Variants in NAALAD2 observed in about 807,000 individuals in gnomAD.
NAALAD2 encodes N-acetylated-alpha-linked acidic dipeptidase 2.
A neutral mutation model predicts 95.6 loss-of-function variants in NAALAD2; 89 were observed. The observed-to-expected ratio is 0.93, with a 90% CI of 0.78 to 1.11. The LOEUF (loss-of-function observed/expected upper bound fraction) is 1.11, where lower values mean the gene tolerates loss of function less well. NAALAD2 is among the 50% of genes least tolerant of loss of function. The pLI, the probability that NAALAD2 is intolerant of heterozygous loss-of-function variation, is 0.00. For missense variants in NAALAD2, 894 were observed against 872.4 expected (o/e 1.02, Z -0.31); for synonymous variants, 264 against 294.4 (o/e 0.90, Z 1.06).
In NAALAD2 at chr11:90,135,647, T is replaced by C; in HGVS notation, c.171T>C (p.Ala57=). ...GGAAACTGGTATCCGAAATGAAAGC[T>C]GAAAACATCAAATCATTTCTTCGGT... The part of the protein sequence containing the change: ...IRWKLVSEMK[A]ENIKSFLRSF... Residue 57 remains alanine, a synonymous_variant, in exon 2 of 19, where the codon GCT becomes GCC. Transcript: ENST00000534061. 1.2e-6 allele frequency: 2 copies of C among 1,612,896 alleles called. No homozygotes were observed. The highest frequency in any genetic ancestry group is 1.7e-6 in the Non-Finnish European group (2 of 1,179,300).
chr11:90,162,904 A>T, intron 8 of NAALAD2, 45 bp from the exon 9 acceptor site: 1 of 1,085,426 alleles, frequency 9.2e-7, no homozygotes, highest in Non-Finnish European at 1.4e-6. Context: ...ACTGTAAAAA[A>T]CATAATTTGC....
At position 90,147,320 on chromosome 11, in the gene NAALAD2, T is replaced by C. The variant is rs774270255; in HGVS notation, c.195-10T>C. 6.2e-7 allele frequency: 1 copy of C among 1,608,640 alleles called. No individual in the cohort carries two copies. The highest frequency in any genetic ancestry group is 1.1e-5 in the South Asian group (1 of 90,854). On this transcript the variant is annotated splice_polypyrimidine_tract_variant and intron_variant, in intron 2 of 18. Transcript: ENST00000534061. The stretch of plus-strand genomic sequence containing the variant: ...CTTTAATGCCCTCTTATGTTTTATT[T>C]TCATTTTAGTTCTTTTACAAAGCTT...
chr11:90,178,812 T>C (rs1952882089), intron 16 of NAALAD2, among the ~76,000 whole-genome samples: 2 of 152,348 alleles, frequency 1.3e-5, no homozygotes, highest in Admixed American at 1.3e-4. Flanking sequence ...GCATATATCT[T>C]TTAGTGTTTG....
Position 90,155,492 on chromosome 11 carries a change from ATATAT to A in NAALAD2, c.797-2647_797-2643del, listed in dbSNP as rs1158183413. 2.6e-3 allele frequency among the ~76,000 whole-genome samples: 287 copies of A among 112,168 alleles called. 2 individuals are homozygous for A. The highest frequency in any genetic ancestry group is 9.1e-3 in the African/African-American group (249 of 27,458). 73.6% of individuals were successfully genotyped at this position (112,168 alleles called of 152,430 possible). ...CATATACATGTATATATTATATATA[ATATAT>A]TATATATAATTATATATAATTACAT... On this transcript the variant is annotated intron_variant, in intron 6 of 18. Coordinates refer to ENST00000534061, the MANE Select transcript of NAALAD2 (RefSeq NM_005467.4).
chr11:90,186,274 G>A (rs1001408843), intron 18 of NAALAD2, among the ~76,000 whole-genome samples: 117 of 151,510 alleles, frequency 7.7e-4, no homozygotes, highest in African/African-American at 2.3e-3. Context: ...GAGAATATGC[G>A]GTGTTTGGTT....
At position 90,181,648 on chromosome 11, in the gene NAALAD2, C is replaced by A; in HGVS notation, c.1887C>A (p.Phe629Leu). The A allele has an allele frequency of 6.2e-7, 1 of 1,606,910 alleles. No individual in the cohort carries two copies. The highest frequency in any genetic ancestry group is 8.5e-7 in the Non-Finnish European group (1 of 1,176,516). ...FDSLFSAVKN[F>L]SEAASDFHKR... ...CCTTATTTTCTGCTGTGAAAAACTTCTCAGAGGCTGCTTCAGATTTTCATA... is the reference window on the plus strand; with the variant it reads ...CCTTATTTTCTGCTGTGAAAAACTTATCAGAGGCTGCTTCAGATTTTCATA... Residue 629 changes from phenylalanine to leucine, a missense_variant, in exon 17 of 19, where the codon TTC (phenylalanine) becomes TTA (leucine). By Grantham distance (22) the Phe-to-Leu change is conservative. Coordinates refer to ENST00000534061, the MANE Select transcript of NAALAD2 (RefSeq NM_005467.4).
chr11:90,137,057 C>A (rs1201674712), intron 2 of NAALAD2, among the ~76,000 whole-genome samples: 1 of 151,978 alleles, frequency 6.6e-6, no homozygotes, highest in African/African-American at 2.4e-5. Context: ...TCATTTGTAG[C>A]AAAATGAATG....
At chr11:90,171,401 T>C (rs1721669960) in intron 13 of NAALAD2, among the ~76,000 whole-genome samples, 1 of 152,228 alleles carries the variant, frequency 6.6e-6, no homozygotes, top group South Asian at 2.1e-4. Flanking sequence ...CTTGGGTAGC[T>C]GATGTCTTTG....
chr11:90,150,346 C>T (rs777464255), intron 4 of NAALAD2, 136 bp from the exon 5 acceptor site: 89 of 384,708 alleles, frequency 2.3e-4, no homozygotes, highest in Non-Finnish European at 6.5e-5. Flanking sequence ...TGCATAATTA[C>T]TGTGGGTCTG....
chr11:90,174,954 A>T (rs904632271), intron 14 of NAALAD2, among the ~76,000 whole-genome samples: 6 of 152,078 alleles, frequency 3.9e-5, no homozygotes, highest in African/African-American at 1.4e-4. Context: ...ATTATTTAAA[A>T]TATTATGTAA....
intron 8 of NAALAD2, 52 bp from the exon 9 acceptor site, chr11:90,162,897 G>GC: frequency 9.6e-7 from 1 of 1,037,374 alleles, no homozygotes; most frequent in South Asian, 1.5e-5. Flanking sequence ...ATAAAACACT[G>GC]TAAAAAACAT....
At chr11:90,177,731 A>ATGTGAGCC (rs1952844806) in intron 15 of NAALAD2, 122 bp from the exon 16 acceptor site, 10 of 998,904 alleles carry the variant, frequency 1.0e-5, no homozygotes, top group Non-Finnish European at 1.4e-5. Flanking sequence ...AGGATTACAG[A>ATGTGAGCC]TGTGAGCCAC....
At chr11:90,141,411 T>G (rs1951610992) in intron 2 of NAALAD2, among the ~76,000 whole-genome samples, 1 of 152,224 alleles carries the variant, frequency 6.6e-6, no homozygotes, top group South Asian at 2.1e-4. Context: ...CATTTTGTAA[T>G]TTGCATTAAG....
intron 2 of NAALAD2, among the ~76,000 whole-genome samples, chr11:90,142,883 G>A (rs992853899): frequency 6.6e-6 from 1 of 151,458 alleles, no homozygotes; most frequent in African/African-American, 2.4e-5. Context: ...ATACTTTTTA[G>A]TGGATACTCT....
chr11:90,148,692 G>A (rs1332027555), intron 3 of NAALAD2, among the ~76,000 whole-genome samples: 1 of 149,108 alleles, frequency 6.7e-6, no homozygotes, highest in African/African-American at 2.5e-5. Flanking sequence ...GAAAGAAAAG[G>A]AGCCCACAAA....
At chr11:90,178,311 A>C (rs528154730) in intron 16 of NAALAD2, among the ~76,000 whole-genome samples, 194 bp downstream of exon 16, 1 of 152,342 alleles carries the variant, frequency 6.6e-6, no homozygotes, top group Admixed American at 6.5e-5. Context: ...GAATGAATCC[A>C]TTATGGCTGA....
chr11:90,147,592 A>G, intron 3 of NAALAD2, 76 bp downstream of exon 3: 2 of 1,331,636 alleles, frequency 1.5e-6, no homozygotes, highest in Non-Finnish European at 2.1e-6. Flanking sequence ...GGGTCAAGTA[A>G]AAGTAGAAAT....
At chr11:90,184,542 G>A (rs1457539982) in intron 18 of NAALAD2, among the ~76,000 whole-genome samples, 2 of 151,962 alleles carry the variant, frequency 1.3e-5, no homozygotes, top group Non-Finnish European at 2.9e-5. Flanking sequence ...TATCTACAGT[G>A]TTTGTTAGTC....
rs139610623 is a variant in NAALAD2 at position 90,191,600 on chromosome 11, A to G, written c.2076A>G (p.Gly692=). The G allele has an allele frequency of 5.6e-6, 9 of 1,602,550 alleles. No individual in the cohort carries two copies. The highest frequency in any genetic ancestry group is 7.7e-6 in the Non-Finnish European group (9 of 1,174,832). ...FAPSSHNKYA[G]ESFPGIYDAI... ...CAAGTAGCCACAACAAATATGCTGGAGAATCATTTCCTGGAATCTATGATG... is the reference window on the plus strand; with the variant it reads ...CAAGTAGCCACAACAAATATGCTGGGGAATCATTTCCTGGAATCTATGATG... Residue 692 remains glycine, a synonymous_variant, in exon 19 of 19, where the codon GGA becomes GGG. Coordinates refer to ENST00000534061, the MANE Select transcript of NAALAD2 (RefSeq NM_005467.4).
Sources: gnomAD v4.1 joint callset for allele counts (sites outside exome capture counted in the v4.1 genomes callset) on GRCh38, gnomAD v4.1.1 for gene constraint, MANE v1.5 for transcripts, NCBI Gene and HGNC (gene_info 2026-07-23, HGNC 2026-07-21) for gene names.